The following CREG1 variants were observed in gnomAD, a reference collection of about 807,000 sequenced individuals.
CREG1 encodes the protein cellular repressor of E1A stimulated genes 1.
Under a neutral mutation model 19.9 loss-of-function variants are expected in CREG1, and 20 were observed. That is an observed-to-expected ratio of 1.01 (90% CI 0.71 to 1.46). The LOEUF is 1.46. CREG1 is among the 40% of genes most tolerant of loss of function. The pLI is 0.00. For synonymous variants in CREG1, 141 were observed against 143.3 expected (o/e 0.98, Z 0.12); for missense variants, 290 against 314.9 (o/e 0.92, Z 0.60).
intron 1 of CREG1, 141 bp downstream of exon 1, chr1:167,553,247 C>T: frequency 1.5e-6 from 1 of 664,082 alleles, no homozygotes; most frequent in Non-Finnish European, 2.3e-6. Flanking sequence ...GCAACGCCCA[C>T]CTACCTGCCT....
In CREG1 at chr1:167,542,276, G is replaced by A. The variant is rs2102147808; in HGVS notation, c.*22C>T. The A allele has an allele frequency of 1.3e-6, 2 of 1,598,376 alleles. No homozygotes were observed. Among genetic ancestry groups the A allele is most frequent in the Non-Finnish European group, 1.7e-6 (2 of 1,173,714 alleles). ...CACTTTAAGAAACTTCATAAGTGTT[G>A]CTAAATTCACCACAGTCTGCTTCAC... is the stretch of plus-strand genomic sequence containing the variant. On this transcript the variant is annotated 3_prime_UTR_variant, in exon 4 of 4. Coordinates refer to ENST00000370509, the MANE Select transcript of CREG1 (RefSeq NM_003851.3).
At chr1:167,550,149 C>G (rs540369951) in intron 1 of CREG1, among the ~76,000 whole-genome samples, 2 of 152,058 alleles carry the variant, frequency 1.3e-5, no homozygotes, top group African/African-American at 4.8e-5. Context: ...ACCACCATAC[C>G]CAGTTAATTT....
At chr1:167,545,712 A>G (rs1055107643) in intron 3 of CREG1, among the ~76,000 whole-genome samples, 1 of 152,232 alleles carries the variant, frequency 6.6e-6, no homozygotes, top group East Asian at 1.9e-4. Flanking sequence ...GGCTTGAGGC[A>G]TAAGAATCGT....
intron 2 of CREG1, among the ~76,000 whole-genome samples, chr1:167,546,625 G>C (rs1218539893): frequency 6.6e-6 from 1 of 151,678 alleles, no homozygotes; most frequent in Non-Finnish European, 1.5e-5. Flanking sequence ...CTGCATGACA[G>C]AGCAAGACTC....
intron 1 of CREG1, among the ~76,000 whole-genome samples, chr1:167,549,023 A>T (rs1339915161): frequency 6.6e-6 from 1 of 152,222 alleles, no homozygotes; most frequent in African/African-American, 2.4e-5. Context: ...AGCATAGACC[A>T]GAGTGATAGA....
chr1:167,549,101 G>A (rs1453168820), intron 1 of CREG1, among the ~76,000 whole-genome samples: 8 of 152,216 alleles, frequency 5.3e-5, no homozygotes. Context: ...ATTAAAGGGA[G>A]AGGAGACACT....
intron 1 of CREG1, among the ~76,000 whole-genome samples, chr1:167,550,097 C>T (rs1656399621): frequency 6.6e-6 from 1 of 152,326 alleles, no homozygotes; most frequent in Non-Finnish European, 1.5e-5. Context: ...TCAACTGATG[C>T]TCTCAACTCA....
chr1:167,547,056 C>T (rs77902675), intron 2 of CREG1, among the ~76,000 whole-genome samples: 1 of 152,348 alleles, frequency 6.6e-6, no homozygotes, highest in Non-Finnish European at 1.5e-5. Context: ...GTGAAGGACA[C>T]TCAACTACAG....
intron 3 of CREG1, among the ~76,000 whole-genome samples, chr1:167,544,666 TC>T (rs1283580311): frequency 2.0e-5 from 3 of 152,114 alleles, no homozygotes. Flanking sequence ...CACCACCACT[TC>T]CTGGCTGCAA....
In CREG1 at chr1:167,542,269, A is replaced by G; in HGVS notation, c.*29T>C. ...TATGAGCCACTTTAAGAAACTTCAT[A>G]AGTGTTGCTAAATTCACCACAGTCT... is the stretch of plus-strand genomic sequence containing the variant. On this transcript the variant is annotated 3_prime_UTR_variant, in exon 4 of 4. Coordinates refer to ENST00000370509, the MANE Select transcript of CREG1 (RefSeq NM_003851.3). 6.3e-7 allele frequency: 1 copy of G among 1,595,720 alleles called. No homozygotes were observed. The highest frequency in any genetic ancestry group is 8.5e-7 in the Non-Finnish European group (1 of 1,172,684).
intron 1 of CREG1, among the ~76,000 whole-genome samples, chr1:167,550,140 C>T (rs1001576168): frequency 6.6e-6 from 1 of 152,160 alleles, no homozygotes; most frequent in African/African-American, 2.4e-5. Context: ...CGGTCGTACA[C>T]CACCATACCC....
Position 167,553,576 on chromosome 1 carries a change from C to T in CREG1, c.166G>A (p.Ala56Thr). 1 of 1,441,412 alleles carries T rather than the reference C, an allele frequency of 6.9e-7. No individual in the cohort carries two copies. The allele number at this position is 1,441,412 out of a possible 1,614,324, so 89.3% of individuals were successfully genotyped here. Residue 56 changes from alanine (A) to threonine (T), a missense_variant, in exon 1 of 4, where the codon GCG becomes ACG. Physicochemically the swap from Ala to Thr is moderately conservative, Grantham distance 58. Transcript: ENST00000370509. ...TGCGTCACGAAGCGGGCCACGCGCG[C>T]CGCGTCCTCGCGGGGTGGTAGCGGC... Reference protein sequence around the residue: ...LPPLPPREDAARVARFVTHVS... With the variant: ...LPPLPPREDATRVARFVTHVS...
chr1:167,550,249 A>G (rs1427269137), intron 1 of CREG1, among the ~76,000 whole-genome samples: 1 of 152,170 alleles, frequency 6.6e-6, no homozygotes, highest in Non-Finnish European at 1.5e-5. Flanking sequence ...TCGACCTCCC[A>G]AAGTGCTGGG....
Position 167,541,526 on chromosome 1 carries a change from TCTC to T in CREG1, c.*769_*771del, listed in dbSNP as rs1235406943. 1 of 152,200 alleles carries T rather than the reference TCTC, an allele frequency of 6.6e-6. No individual in the cohort carries two copies. Among genetic ancestry groups the T allele is most frequent in the Non-Finnish European group, 1.5e-5 (1 of 68,034 alleles). The allele number at this position is 152,200 out of a possible 1,614,324, so 9.4% of individuals were successfully genotyped here. On this transcript the variant is annotated 3_prime_UTR_variant, in exon 4 of 4. Coordinates refer to ENST00000370509, the MANE Select transcript of CREG1 (RefSeq NM_003851.3). ...ATACCAGGAACACACAAAATATTCT[TCTC>T]CTCTTTCTTTTGCAATCCAGTTTTG...
At chr1:167,551,094 AAC>A (rs376931743) in intron 1 of CREG1, among the ~76,000 whole-genome samples, 1 of 152,250 alleles carries the variant, frequency 6.6e-6, no homozygotes. Flanking sequence ...TAACATCAGC[AAC>A]ACTGTCCTAC....
intron 2 of CREG1, 71 bp downstream of exon 2, chr1:167,547,931 T>G: frequency 9.3e-6 from 14 of 1,508,022 alleles, no homozygotes; most frequent in South Asian, 2.4e-5. Context: ...AAAAGAAAAA[T>G]GATCTATTCT....
chr1:167,546,831 A>G (rs548731233), intron 2 of CREG1, among the ~76,000 whole-genome samples: 296 of 152,374 alleles, frequency 1.9e-3, no homozygotes, highest in African/African-American at 6.6e-3. Context: ...GTATAATACC[A>G]ACTTTCATTG....
At chr1:167,547,960 G>T in intron 2 of CREG1, 42 bp downstream of exon 2, 4 of 1,574,534 alleles carry the variant, frequency 2.5e-6, no homozygotes. Flanking sequence ...GAATACGATG[G>T]TGTTCTGAAA....
chr1:167,552,319 T>A (rs1405250556), intron 1 of CREG1, among the ~76,000 whole-genome samples: 1 of 152,256 alleles, frequency 6.6e-6, no homozygotes, highest in Non-Finnish European at 1.5e-5. Flanking sequence ...TTGCATCCTG[T>A]CTTTATCAAC....
Sources: allele counts gnomAD v4.1 joint callset (sites outside exome capture counted in the v4.1 genomes callset), GRCh38; gene constraint gnomAD v4.1.1; transcripts MANE v1.5; gene names NCBI Gene and HGNC (gene_info 2026-07-23, HGNC 2026-07-21).